ZNF697: variants seen among roughly 807,000 people sequenced by gnomAD.
ZNF697 encodes zinc finger protein 697.
ZNF697 carries 23 observed loss-of-function variants against 32.4 expected under a neutral mutation model. The ratio of observed to expected loss-of-function variants is 0.71; its 90% CI spans 0.51 to 1.01. The LOEUF (loss-of-function observed/expected upper bound fraction) is 1.01. Ranked by LOEUF, ZNF697 falls within the 50% of genes least tolerant of loss-of-function variation. The pLI is 0.00. For missense variants in ZNF697, 930 were observed against 794.0 expected (o/e 1.17, Z -2.06); for synonymous variants, 418 against 337.2 (o/e 1.24, Z -2.62).
At chr1:119,640,171 T>C (rs192114168) in intron 1 of ZNF697, among the ~76,000 whole-genome samples, 1 of 152,356 alleles carries the variant, frequency 6.6e-6, no homozygotes, top group East Asian at 1.9e-4. Context: ...CTCCCAACTG[T>C]AAGTTCCTTA....
intron 1 of ZNF697, among the ~76,000 whole-genome samples, chr1:119,635,162 T>C (rs1648886757): frequency 6.6e-6 from 1 of 152,214 alleles, no homozygotes; most frequent in Non-Finnish European, 1.5e-5. Context: ...AATTATATTT[T>C]TTTCTGAAAT....
chr1:119,623,225 C>A lies in ZNF697; in HGVS notation c.1118G>T (p.Arg373Leu). Residue 373 changes from arginine to leucine, a missense_variant, in exon 3 of 3, where the codon CGC becomes CTC. By Grantham distance (102) the Arg-to-Leu change is moderately radical. Transcript: ENST00000421812. ...GTGCGGCTTCTCGCCCGTGTGGATG[C>A]GCTGGTGGTTGGCCAGGTGCGAACG... ...VRRSHLANHQRIHTGEKPHGC... is the reference protein window; with the variant it reads ...VRRSHLANHQLIHTGEKPHGC... The A allele has an allele frequency of 1.3e-6, 2 of 1,572,930 alleles. No individual in the cohort carries two copies. Among genetic ancestry groups the A allele is most frequent in the Non-Finnish European group, 1.7e-6 (2 of 1,160,438 alleles).
chr1:119,637,534 T>C (rs967619724), intron 1 of ZNF697, among the ~76,000 whole-genome samples: 1 of 152,212 alleles, frequency 6.6e-6, no homozygotes, highest in Non-Finnish European at 1.5e-5. Flanking sequence ...TCCTTTTAGG[T>C]ACAATCTCCC....
chr1:119,632,995 A>C (rs1481409664), intron 1 of ZNF697, among the ~76,000 whole-genome samples: 3 of 152,144 alleles, frequency 2.0e-5, no homozygotes, highest in African/African-American at 7.2e-5. Context: ...TGTTTTGTTT[A>C]GTAAGAGAAA....
chr1:119,624,456 C>G (rs587635308), intron 2 of ZNF697, among the ~76,000 whole-genome samples: 4 of 152,336 alleles, frequency 2.6e-5, no homozygotes, highest in East Asian at 1.9e-4. Context: ...TGGGACACTA[C>G]GTAAGATCTC....
At chr1:119,626,201 C>T in intron 1 of ZNF697, 64 bp from the exon 2 acceptor site, 1 of 1,530,320 alleles carries the variant, frequency 6.5e-7, no homozygotes, top group Non-Finnish European at 8.7e-7. Flanking sequence ...CCACGCCCAG[C>T]CTTAATTTCC....
chr1:119,625,513 T>G (rs1648552350), intron 2 of ZNF697, among the ~76,000 whole-genome samples: 1 of 152,232 alleles, frequency 6.6e-6, no homozygotes, highest in African/African-American at 2.4e-5. Context: ...GTACTGTGCT[T>G]AGTAACTCTA....
chr1:119,626,591 G>A (rs1040100397), intron 1 of ZNF697, among the ~76,000 whole-genome samples: 3 of 152,224 alleles, frequency 2.0e-5, no homozygotes, highest in South Asian at 2.1e-4. Context: ...AAGCTTGCTC[G>A]CCTCCAGCCC....
At chr1:119,626,239 AG>A in intron 1 of ZNF697, 102 bp from the exon 2 acceptor site, 1 of 1,433,804 alleles carries the variant, frequency 7.0e-7, no homozygotes, top group Non-Finnish European at 9.2e-7. Context: ...TGGAGTTCCA[AG>A]CCCCAGATGG....
At chr1:119,641,834 G>C (rs921711927) in intron 1 of ZNF697, among the ~76,000 whole-genome samples, 2 of 152,188 alleles carry the variant, frequency 1.3e-5, no homozygotes, top group Non-Finnish European at 2.9e-5. Flanking sequence ...CTTCTGCCAT[G>C]ATTGTAAGTT....
At chr1:119,645,322 C>A (rs1003581711) in intron 1 of ZNF697, among the ~76,000 whole-genome samples, 1 of 152,166 alleles carries the variant, frequency 6.6e-6, no homozygotes, top group Non-Finnish European at 1.5e-5. Context: ...TTCACTCCTT[C>A]TTTGATTTAT....
chr1:119,635,320 GA>G (rs587742359), intron 1 of ZNF697, among the ~76,000 whole-genome samples: 6 of 152,288 alleles, frequency 3.9e-5, no homozygotes, highest in Admixed American at 3.9e-4. Flanking sequence ...TGGGAAGTGG[GA>G]GAAGGGGCAG....
intron 1 of ZNF697, among the ~76,000 whole-genome samples, chr1:119,626,405 A>G (rs2101081902): frequency 6.6e-6 from 1 of 152,298 alleles, no homozygotes; most frequent in Non-Finnish European, 1.5e-5. Flanking sequence ...ATGGATGTCT[A>G]TTAGTGTGGT....
intron 1 of ZNF697, 67 bp from the exon 2 acceptor site, chr1:119,626,204 T>TAG (rs1648582506): frequency 6.6e-7 from 1 of 1,524,606 alleles, no homozygotes; most frequent in African/African-American, 1.4e-5. Flanking sequence ...CGCCCAGCCT[T>TAG]AATTTCCAAT....
rs189796386 is a variant in ZNF697, at chr1:119,630,649, A to C, written c.-37-4512T>G. Among the ~76,000 whole-genome samples, 913 of 152,334 alleles carry C rather than the reference A, an allele frequency of 6.0e-3. 16 individuals are homozygous for C. The highest frequency in any genetic ancestry group is 0.02 in the African/African-American group (844 of 41,578). ...TGAATGTGATAAAGTGTCTCTAAAA[A>C]GAGAAAAAGACTCCAGCCTGGGCAA... is the stretch of plus-strand genomic sequence containing the variant. On this transcript the variant is annotated intron_variant, in intron 1 of 2. Transcript: ENST00000421812.
intron 1 of ZNF697, among the ~76,000 whole-genome samples, chr1:119,638,496 G>T (rs1648982797): frequency 6.6e-6 from 1 of 152,124 alleles, no homozygotes; most frequent in African/African-American, 2.4e-5. Context: ...ATCTTGTTGA[G>T]ACACTCTCCT....
chr1:119,626,949 C>T (rs1050520939), intron 1 of ZNF697, among the ~76,000 whole-genome samples: 3 of 152,174 alleles, frequency 2.0e-5, no homozygotes, highest in African/African-American at 7.2e-5. Flanking sequence ...TAATTGGTAA[C>T]CCCTCTACAG....
intron 1 of ZNF697, among the ~76,000 whole-genome samples, chr1:119,633,648 T>C (rs909077262): frequency 4.6e-5 from 7 of 152,310 alleles, no homozygotes; most frequent in Non-Finnish European, 8.8e-5. Context: ...CTAAAAAACA[T>C]ACTCACAAAA....
chr1:119,640,811 G>C (rs372869812), intron 1 of ZNF697, among the ~76,000 whole-genome samples: 1 of 152,342 alleles, frequency 6.6e-6, no homozygotes, highest in African/African-American at 2.4e-5. Context: ...GGCAGGGCAG[G>C]GAGTGCATTC....
Sources: allele counts gnomAD v4.1 joint callset (sites outside exome capture counted in the v4.1 genomes callset), GRCh38; gene constraint gnomAD v4.1.1; transcripts MANE v1.5; gene names NCBI Gene and HGNC (gene_info 2026-07-23, HGNC 2026-07-21).